Variants in LOC128462377 observed in about 807,000 individuals in gnomAD.
At chr16:89,348,134 G>C in the LOC128462377 span, among the ~76,000 whole-genome samples, 1 of 151,910 alleles carries the variant, frequency 6.6e-6, no homozygotes, top group Non-Finnish European at 1.5e-5. Flanking sequence ...GTTTCACCAT[G>C]TTGCCCAAGC....
chr16:89,337,281 A>C, the LOC128462377 span, among the ~76,000 whole-genome samples: 1 of 152,024 alleles, frequency 6.6e-6, no homozygotes, highest in Admixed American at 6.6e-5. Flanking sequence ...AAACGTCAGA[A>C]AGGAGAGGAC....
At chr16:89,371,579 C>A in the LOC128462377 span, among the ~76,000 whole-genome samples, 1 of 152,184 alleles carries the variant, frequency 6.6e-6, no homozygotes, top group East Asian at 1.9e-4. Context: ...AAGGTCCAGG[C>A]AGGCGCCGCT....
chr16:89,386,700 C>T, the LOC128462377 span, among the ~76,000 whole-genome samples: 271 of 152,334 alleles, frequency 1.8e-3, 2 homozygotes, highest in African/African-American at 5.7e-3. Context: ...AGCAGACACG[C>T]TTATAAGCTA....
At chr16:89,411,329 G>A in the LOC128462377 span, among the ~76,000 whole-genome samples, 1 of 152,252 alleles carries the variant, frequency 6.6e-6, no homozygotes, top group African/African-American at 2.4e-5. Context: ...GCACACAGCG[G>A]TGGGAAACCT....
the LOC128462377 span, among the ~76,000 whole-genome samples, chr16:89,330,671 GGGGGC>G: frequency 2.4e-4 from 12 of 50,934 alleles, no homozygotes; most frequent in Non-Finnish European, 3.6e-4. Context: ...GGGGGGGGGG[GGGGGC>G]GGGGGCGGAG....
At chr16:89,384,847 G>A in the LOC128462377 span, among the ~76,000 whole-genome samples, 1 of 142,564 alleles carries the variant, frequency 7.0e-6, no homozygotes, top group East Asian at 2.1e-4. Context: ...GTAAGAACAT[G>A]TGTGTGGGAG....
the LOC128462377 span, among the ~76,000 whole-genome samples, chr16:89,357,905 T>C: frequency 3.3e-5 from 5 of 152,262 alleles, no homozygotes; most frequent in African/African-American, 4.8e-5. Flanking sequence ...CCTATTTTTA[T>C]TGAACACTGG....
At chr16:89,334,155 A>AAAAAAAAAAAAAAAAAAC in the LOC128462377 span, among the ~76,000 whole-genome samples, 1 of 137,298 alleles carries the variant, frequency 7.3e-6, no homozygotes, top group African/African-American at 2.7e-5. Flanking sequence ...AAAAAAAAAA[A>AAAAAAAAAAAAAAAAAAC]AAAAAAAAAA....
chr16:89,383,681 G>A, the LOC128462377 span, among the ~76,000 whole-genome samples: 3 of 151,614 alleles, frequency 2.0e-5, no homozygotes, highest in Non-Finnish European at 4.4e-5. Context: ...CAGCAACGCA[G>A]CAGACGTCCA....
chr16:89,357,857 C>T, the LOC128462377 span, among the ~76,000 whole-genome samples: 1 of 152,246 alleles, frequency 6.6e-6, no homozygotes, highest in Non-Finnish European at 1.5e-5. Context: ...AGCCAGGGTG[C>T]TGGCTGCCCC....
chr16:89,373,312 C>T, the LOC128462377 span: 1 of 152,278 alleles, frequency 6.6e-6, no homozygotes, highest in Non-Finnish European at 1.5e-5. Context: ...CAGCATCCAA[C>T]ACAGCAACAC....
chr16:89,409,902 C>A, the LOC128462377 span, among the ~76,000 whole-genome samples: 1 of 152,074 alleles, frequency 6.6e-6, no homozygotes, highest in Admixed American at 6.6e-5. Context: ...TGTAGTGGCA[C>A]AATCTCAACT....
the LOC128462377 span, among the ~76,000 whole-genome samples, chr16:89,368,017 C>CA: frequency 6.6e-6 from 1 of 151,922 alleles, no homozygotes; most frequent in Non-Finnish European, 1.5e-5. Flanking sequence ...AAACAAAAAA[C>CA]AAAAAAAGAA....
At chr16:89,386,427 C>T in the LOC128462377 span, among the ~76,000 whole-genome samples, 4 of 152,166 alleles carry the variant, frequency 2.6e-5, no homozygotes, top group Non-Finnish European at 4.4e-5. Flanking sequence ...ACGCCAGAAA[C>T]CCAGCCACTG....
the LOC128462377 span, among the ~76,000 whole-genome samples, chr16:89,334,144 T>TAAAAAAAAAAAAAAAAAAAA: frequency 1.2e-4 from 5 of 41,416 alleles, 1 homozygote; most frequent in African/African-American, 4.8e-4. Context: ...CCCTGTGTTT[T>TAAAAAAAAAAAAAAAAAAAA]AAAAAAAAAA....
the LOC128462377 span, among the ~76,000 whole-genome samples, chr16:89,319,752 C>T: frequency 6.6e-6 from 1 of 152,262 alleles, no homozygotes; most frequent in Non-Finnish European, 1.5e-5. Context: ...CAGGCTACAC[C>T]TCCCAGGACC....
At chr16:89,392,866 T>C in the LOC128462377 span, among the ~76,000 whole-genome samples, 1 of 151,642 alleles carries the variant, frequency 6.6e-6, no homozygotes, top group Non-Finnish European at 1.5e-5. Flanking sequence ...ATCAACTACA[T>C]AAGAAAGCAC....
chr16:89,340,180 T>C, the LOC128462377 span, among the ~76,000 whole-genome samples: 3 of 152,250 alleles, frequency 2.0e-5, no homozygotes, highest in Admixed American at 2.0e-4. Context: ...AACTGTAAAA[T>C]GCTTTGTAAA....
At chr16:89,359,410 G>A in the LOC128462377 span, among the ~76,000 whole-genome samples, 1 of 152,208 alleles carries the variant, frequency 6.6e-6, no homozygotes, top group Non-Finnish European at 1.5e-5. Context: ...CCCAGCAGAG[G>A]AGCAGGAAGA....
Sources: gnomAD v4.1 joint callset for allele counts (sites outside exome capture counted in the v4.1 genomes callset) on GRCh38, gnomAD v4.1.1 for gene constraint, MANE v1.5 for transcripts.